The following EIF4E3 variants were observed in gnomAD, a reference collection of about 807,000 sequenced individuals.
EIF4E3 encodes the protein eukaryotic translation initiation factor 4E family member 3.
In EIF4E3, 26 loss-of-function variants were observed where a neutral mutation model predicts 31.7. The ratio of observed to expected loss-of-function variants is 0.82; its 90% CI spans 0.60 to 1.14. The LOEUF is 1.14. Among genes scored for constraint, EIF4E3 ranks in the 50% most tolerant of loss-of-function variants. EIF4E3 has a pLI of 0.00. For synonymous variants in EIF4E3, 128 were observed against 107.7 expected (o/e 1.19, Z -1.17); for missense variants, 304 against 270.9 (o/e 1.12, Z -0.86).
chr3:71,720,210 C>T (rs1578370818), intron 1 of EIF4E3, among the ~76,000 whole-genome samples: 1 of 151,070 alleles, frequency 6.6e-6, no homozygotes. Flanking sequence ...AGGCGGGTCT[C>T]ATTCTGTCAA....
chr3:71,754,218 C>A (rs1279364207), upstream of EIF4E3: 2 of 1,388,138 alleles, frequency 1.4e-6, no homozygotes, highest in Non-Finnish European at 1.9e-6. The surrounding 1 kb of genome is among the most constrained non-coding windows in gnomAD (Gnocchi z 5.8). Flanking sequence ...GTACTACCTG[C>A]TGCTCGACCT....
At chr3:71,709,299 C>A (rs1341968071) in intron 2 of EIF4E3, among the ~76,000 whole-genome samples, 1 of 152,210 alleles carries the variant, frequency 6.6e-6, no homozygotes, top group Non-Finnish European at 1.5e-5. Flanking sequence ...TCTACCTGCA[C>A]CAGCCCGCTA....
the EIF4E3 span, among the ~76,000 whole-genome samples, chr3:71,669,605 C>T: frequency 6.6e-6 from 1 of 151,798 alleles, no homozygotes; most frequent in Admixed American, 6.6e-5. Context: ...GTTATAATCA[C>T]AAGTCACTGA....
intron 1 of EIF4E3, among the ~76,000 whole-genome samples, chr3:71,718,344 A>G (rs2049496157): frequency 6.6e-6 from 1 of 152,272 alleles, no homozygotes; most frequent in Non-Finnish European, 1.5e-5. Context: ...CTGACAGTTA[A>G]TAATGCATCT....
downstream of EIF4E3, among the ~76,000 whole-genome samples, chr3:71,674,476 T>C (rs1320535500): frequency 6.6e-6 from 1 of 152,168 alleles, no homozygotes; most frequent in Non-Finnish European, 1.5e-5. Flanking sequence ...CATTTCGGTT[T>C]TAAGTTGGTT....
chr3:71,749,352 A>G (rs2049904098), intron 1 of EIF4E3, among the ~76,000 whole-genome samples: 1 of 152,264 alleles, frequency 6.6e-6, no homozygotes, highest in African/African-American at 2.4e-5. Context: ...TCATTGTCAA[A>G]GTTATGACTT....
the EIF4E3 span, among the ~76,000 whole-genome samples, chr3:71,662,841 C>T: frequency 4.2e-4 from 64 of 152,090 alleles, no homozygotes; most frequent in East Asian, 9.8e-3. Flanking sequence ...GGAAATACTC[C>T]AATAAGAGAG....
intron 3 of EIF4E3, among the ~76,000 whole-genome samples, chr3:71,697,928 C>T (rs2049162015): frequency 6.6e-6 from 1 of 152,138 alleles, no homozygotes; most frequent in African/African-American, 2.4e-5. Flanking sequence ...GGGTATATAT[C>T]TGGCAGTGGG....
chr3:71,703,478 T>C (rs1326731055), intron 2 of EIF4E3, among the ~76,000 whole-genome samples: 1 of 152,166 alleles, frequency 6.6e-6, no homozygotes, highest in Non-Finnish European at 1.5e-5. Context: ...AATGTAATGA[T>C]GAAATGCAAA....
chr3:71,729,389 G>T (rs185545386), upstream of EIF4E3, among the ~76,000 whole-genome samples: 13 of 152,306 alleles, frequency 8.5e-5, no homozygotes, highest in East Asian at 2.5e-3. Flanking sequence ...ACTTTGGGAA[G>T]GGAGCCTTCC....
At chr3:71,751,846 CAG>C (rs1347220870) in intron 1 of EIF4E3, among the ~76,000 whole-genome samples, 3 of 152,166 alleles carry the variant, frequency 2.0e-5, no homozygotes, top group East Asian at 1.9e-4. Flanking sequence ...AAAAGATTTT[CAG>C]AGATTCAGTC....
At chr3:71,734,206 G>T (rs1179176750) in intron 1 of EIF4E3, among the ~76,000 whole-genome samples, 1 of 152,152 alleles carries the variant, frequency 6.6e-6, no homozygotes, top group African/African-American at 2.4e-5. Context: ...TGCACATATT[G>T]ATCATACTAG....
At chr3:71,694,581 A>G (rs2049108823) in intron 4 of EIF4E3, among the ~76,000 whole-genome samples, 1 of 152,096 alleles carries the variant, frequency 6.6e-6, no homozygotes, top group East Asian at 1.9e-4. Flanking sequence ...TCTCCTCATG[A>G]TCTAATAGTG....
At chr3:71,720,870 G>A (rs1559605765) in intron 1 of EIF4E3, among the ~76,000 whole-genome samples, 1 of 152,160 alleles carries the variant, frequency 6.6e-6, no homozygotes, top group Non-Finnish European at 1.5e-5. Flanking sequence ...GCTTAGACTT[G>A]GATCAAGTTT....
chr3:71,754,355 C>G (rs755310150), upstream of EIF4E3: 3 of 1,314,082 alleles, frequency 2.3e-6, no homozygotes, highest in Non-Finnish European at 2.9e-6. This position sits in a 1 kb window ranked among gnomAD's most constrained non-coding sequence, Gnocchi z 5.8. Flanking sequence ...CCTTCCTGGC[C>G]GCGCTCTTCT....
At chr3:71,729,963 C>T (rs1169553838), upstream of EIF4E3, among the ~76,000 whole-genome samples, 1 of 151,852 alleles carries the variant, frequency 6.6e-6, no homozygotes, top group African/African-American at 2.4e-5. Flanking sequence ...ATATGCAGGC[C>T]TGTCTTTTAT....
intron 2 of EIF4E3, among the ~76,000 whole-genome samples, chr3:71,701,608 C>T (rs142161709): frequency 8.5e-5 from 13 of 152,116 alleles, no homozygotes; most frequent in Admixed American, 2.6e-4. Flanking sequence ...GAAAGCAGCA[C>T]GAGTAAAATA....
Position 71,749,409 on chromosome 3 carries a change from C to A in EIF4E3, c.-291+4054G>T, listed in dbSNP as rs143812030. On this transcript the variant is annotated intron_variant, in intron 1 of 7. Transcript: ENST00000295612. ...TGAGTGCTGCCCTTTGATAATCCAACATCCACTGGGCCTAGACTTTGGCTC... is the reference window on the plus strand; with the variant it reads ...TGAGTGCTGCCCTTTGATAATCCAAAATCCACTGGGCCTAGACTTTGGCTC... 8.4e-3 allele frequency among the ~76,000 whole-genome samples: 1,286 copies of A among 152,356 alleles called. 10 individuals carry two copies. The highest frequency in any genetic ancestry group is 0.014 in the Non-Finnish European group (921 of 68,038).
intron 1 of EIF4E3, 71 bp from the exon 2 acceptor site, chr3:71,710,555 A>G: frequency 6.9e-7 from 1 of 1,450,130 alleles, no homozygotes; most frequent in Non-Finnish European, 9.5e-7. Flanking sequence ...AGCCCACAGT[A>G]GAATCTTTCA....
Sources: allele counts gnomAD v4.1 joint callset (sites outside exome capture counted in the v4.1 genomes callset), GRCh38; gene constraint gnomAD v4.1.1; non-coding constraint Gnocchi (gnomAD v3.1); transcripts MANE v1.5; gene names NCBI Gene and HGNC (gene_info 2026-07-23, HGNC 2026-07-21).